The following METAP1 variants were observed in gnomAD, a reference collection of about 807,000 sequenced individuals.
METAP1 encodes the protein methionyl aminopeptidase 1.
METAP1 carries 28 observed loss-of-function variants against 53.8 expected under a neutral mutation model. The observed-to-expected ratio is 0.52, with a 90% confidence interval of 0.39 to 0.71. The LOEUF (loss-of-function observed/expected upper bound fraction) is 0.71. Among genes scored for constraint, METAP1 ranks in the 30% least tolerant of loss-of-function variants. The probability of loss-of-function intolerance (pLI) is 0.00; values close to 1 mark genes in which losing one functional copy is unlikely to be tolerated. For missense variants in METAP1, 389 were observed against 479.8 expected, an observed-to-expected ratio of 0.81 and a Z score of 1.77; for synonymous variants, 181 against 165.7, an observed-to-expected ratio of 1.09 and a Z score of -0.71.
intron 10 of METAP1, among the ~76,000 whole-genome samples, chr4:99,059,435 G>A (rs1158281802): frequency 2.0e-5 from 3 of 152,184 alleles, no homozygotes; most frequent in East Asian, 1.9e-4. Context: ...TTTTTAGGCC[G>A]CCTCGTATTT....
At chr4:99,003,782 G>T (rs1199796562) in intron 1 of METAP1, among the ~76,000 whole-genome samples, 1 of 152,152 alleles carries the variant, frequency 6.6e-6, no homozygotes, top group Non-Finnish European at 1.5e-5. Context: ...AACCTATGGG[G>T]GTTTCTCCTC....
At chr4:99,054,850 A>G (rs889712173) in intron 9 of METAP1, among the ~76,000 whole-genome samples, 1 of 152,106 alleles carries the variant, frequency 6.6e-6, no homozygotes, top group Admixed American at 6.6e-5. Context: ...AACACACACA[A>G]ACATTTGTTT....
chr4:99,034,444 G>A (rs1363083840), intron 3 of METAP1, 102 bp downstream of exon 3: 2 of 716,590 alleles, frequency 2.8e-6, no homozygotes, highest in African/African-American at 3.6e-5. Flanking sequence ...TCAGGATTGT[G>A]TTTACAAAGG....
chr4:99,048,349 A>C (rs1726424534), intron 8 of METAP1, among the ~76,000 whole-genome samples: 1 of 151,968 alleles, frequency 6.6e-6, no homozygotes, highest in African/African-American at 2.4e-5. Flanking sequence ...AAAACTTCCT[A>C]GCACAAAGAT....
intron 1 of METAP1, among the ~76,000 whole-genome samples, chr4:99,028,555 GTTAA>G (rs778460706): frequency 4.6e-5 from 7 of 152,130 alleles, no homozygotes; most frequent in Non-Finnish European, 1.0e-4. Context: ...TGTATGATTG[GTTAA>G]TTGTCTAATG....
chr4:99,048,315 G>A (rs1726421567), intron 8 of METAP1, among the ~76,000 whole-genome samples: 1 of 152,130 alleles, frequency 6.6e-6, no homozygotes, highest in African/African-American at 2.4e-5. Context: ...GTAAGTTGAG[G>A]CATGGATGCA....
At chr4:99,030,481 G>A (rs1405696356) in intron 2 of METAP1, among the ~76,000 whole-genome samples, 1 of 152,168 alleles carries the variant, frequency 6.6e-6, no homozygotes, top group Non-Finnish European at 1.5e-5. Context: ...GGATGAGCCT[G>A]CTGTTCTTAA....
chr4:99,022,945 C>A lies in METAP1; in HGVS notation c.115-5922C>A. 3.3e-6 allele frequency: 5 copies of A among 1,497,046 alleles called. No homozygotes were observed. The South Asian group carries it at 4.8e-5, about 14-fold the overall frequency. 92.7% of individuals were successfully genotyped at this position (1,497,046 alleles called of 1,614,324 possible). ...CTCACCATAGGCACTGAGAAGGTTG[C>A]GGACATGTAGGGGCTGGAAGTGTGG... On this transcript the variant is annotated intron_variant, in intron 1 of 10. Transcript: ENST00000296411.
chr4:99,001,810 C>T (rs940430039), intron 1 of METAP1, among the ~76,000 whole-genome samples: 2 of 152,158 alleles, frequency 1.3e-5, no homozygotes, highest in Non-Finnish European at 2.9e-5. Context: ...TAAGCTAATT[C>T]TATATCCTTT....
chr4:99,030,551 C>A (rs1579287346), intron 2 of METAP1, among the ~76,000 whole-genome samples: 1 of 152,024 alleles, frequency 6.6e-6, no homozygotes, highest in Non-Finnish European at 1.5e-5. Context: ...ATCTTTCATA[C>A]CCTAGTAAGT....
At position 98,995,734 on chromosome 4, in the gene METAP1, T is replaced by G. The variant is rs1273096889; in HGVS notation, c.-20T>G. ...CGCCGCCTCTTCCTCGGTGAGGCGC[T>G]CTTCCAGCGGGCAGGCAGCATGGCG... On this transcript the variant is annotated 5_prime_UTR_variant, in exon 1 of 11. Coordinates refer to ENST00000296411, the MANE Select transcript of METAP1 (RefSeq NM_015143.3). The G allele has an allele frequency of 6.5e-7, 1 of 1,542,012 alleles. No homozygotes were observed. Among genetic ancestry groups the G allele is most frequent in the Non-Finnish European group, 8.8e-7 (1 of 1,141,448 alleles).
At chr4:99,035,355 T>C in intron 3 of METAP1, 45 bp from the exon 4 acceptor site, 1 of 1,401,400 alleles carries the variant, frequency 7.1e-7, no homozygotes, top group Non-Finnish European at 9.9e-7. Flanking sequence ...CCTCGTTTTA[T>C]TTATTTTTCG....
intron 1 of METAP1, among the ~76,000 whole-genome samples, chr4:99,002,894 C>T (rs1193971436): frequency 2.6e-5 from 4 of 151,776 alleles, no homozygotes; most frequent in Admixed American, 1.3e-4. Flanking sequence ...GGGGAAACCC[C>T]GTTTCTACTG....
chr4:99,059,642 A>G (rs1185191206), intron 10 of METAP1, among the ~76,000 whole-genome samples: 1 of 152,134 alleles, frequency 6.6e-6, no homozygotes, highest in Non-Finnish European at 1.5e-5. Context: ...CATCTTTTAC[A>G]GTAGTATCTA....
intron 2 of METAP1, among the ~76,000 whole-genome samples, chr4:99,030,578 T>C (rs955113111): frequency 1.3e-5 from 2 of 152,094 alleles, no homozygotes; most frequent in African/African-American, 4.8e-5. Context: ...CAGTAAATTT[T>C]GAGTGACAGT....
intron 2 of METAP1, among the ~76,000 whole-genome samples, chr4:99,029,452 G>A (rs1333759864): frequency 6.6e-6 from 1 of 152,104 alleles, no homozygotes; most frequent in Non-Finnish European, 1.5e-5. Context: ...AGCTATTACT[G>A]TCAGCCACAC....
At chr4:98,999,276 T>TCA (rs1392601741) in intron 1 of METAP1, among the ~76,000 whole-genome samples, 6 of 152,084 alleles carry the variant, frequency 3.9e-5, no homozygotes, top group Non-Finnish European at 5.9e-5. Context: ...TGTGTTTGAA[T>TCA]CACAGCTCCA....
At chr4:99,028,992 A>AGTTCTGAAAGTGTATATTTGAAT in intron 2 of METAP1, 74 bp downstream of exon 2, 1 of 936,692 alleles carries the variant, frequency 1.1e-6, no homozygotes, top group South Asian at 1.6e-5. Context: ...GAATTCTTCT[A>AGTTCTGAAAGTGTATATTTGAAT]GTTCTGAAAG....
chr4:99,042,603 T>G (rs1725956828), intron 6 of METAP1, among the ~76,000 whole-genome samples: 1 of 152,128 alleles, frequency 6.6e-6, no homozygotes, highest in Non-Finnish European at 1.5e-5. Flanking sequence ...TAGTAGTCAT[T>G]TTTGGGGCAT....
Sources: allele counts gnomAD v4.1 joint callset (sites outside exome capture counted in the v4.1 genomes callset), GRCh38; gene constraint gnomAD v4.1.1; transcripts MANE v1.5; gene names NCBI Gene and HGNC (gene_info 2026-07-23, HGNC 2026-07-21).